The following STOX1 variants were observed in gnomAD, a reference collection of about 807,000 sequenced individuals.
STOX1 encodes storkhead box 1, also known as storkhead-box protein 1.
STOX1 carries 57 observed loss-of-function variants against 74.8 expected under a neutral mutation model. The observed-to-expected ratio is 0.76, with a 90% CI of 0.62 to 0.95. The LOEUF (loss-of-function observed/expected upper bound fraction) is 0.95, where lower values mean the gene tolerates loss of function less well. STOX1 is among the 40% of genes least tolerant of loss of function. The probability of loss-of-function intolerance (pLI) is 0.00; values close to 1 mark genes in which losing one functional copy is unlikely to be tolerated. For missense variants in STOX1, 1,010 were observed against 1,117.0 expected, an observed-to-expected ratio of 0.90 and a Z score of 1.37; for synonymous variants, 375 against 401.3, an observed-to-expected ratio of 0.93 and a Z score of 0.78.
chr10:68,832,012 C>G (rs570769877), intron 1 of STOX1, among the ~76,000 whole-genome samples: 1 of 151,752 alleles, frequency 6.6e-6, no homozygotes, highest in Admixed American at 6.6e-5. Context: ...GGATCCTCCC[C>G]CCTCGGCCTC....
At chr10:68,830,953 G>A (rs985511535) in intron 1 of STOX1, among the ~76,000 whole-genome samples, 1 of 152,158 alleles carries the variant, frequency 6.6e-6, no homozygotes, top group African/African-American at 2.4e-5. Context: ...CTACCTTAGA[G>A]TCCTGGAGGG....
intron 2 of STOX1, among the ~76,000 whole-genome samples, chr10:68,883,219 C>T (rs1172285011): frequency 6.7e-5 from 3 of 44,854 alleles, no homozygotes; most frequent in Admixed American, 5.2e-4. Context: ...CTACTAAAAA[C>T]TACAAAAAAA....
At chr10:68,894,294 C>T (rs763448705), downstream of STOX1, among the ~76,000 whole-genome samples, 31 of 152,154 alleles carry the variant, frequency 2.0e-4, no homozygotes, top group Middle Eastern at 3.4e-3. Context: ...CTCCTGACCT[C>T]GTGATTCGCC....
chr10:68,892,613 T>C lies in STOX1; in HGVS notation c.2847T>C (p.Asn949=), dbSNP rs151237677. 7.2e-5 allele frequency: 116 copies of C among 1,613,722 alleles called. No homozygotes were observed. The African/African-American group carries it at 1.2e-3, about 17-fold the overall frequency. ...SPRTQSLGSN[N]SVILDGLKRR... is the part of the protein sequence containing the mutation. ...GGACACAGAGTCTGGGATCTAATAA[T>C]TCAGTCATTTTGGATGGACTAAAAA... The change falls in exon 4 of 4, where the codon AAT becomes AAC. Residue 949 remains asparagine (N), a synonymous_variant. Transcript: ENST00000298596.
intron 1 of STOX1, among the ~76,000 whole-genome samples, chr10:68,866,307 G>A (rs1840403178): frequency 6.6e-6 from 1 of 152,184 alleles, no homozygotes; most frequent in Non-Finnish European, 1.5e-5. Context: ...AACTGGCCAT[G>A]TGGATGGCCA....
chr10:68,884,315 A>G lies in STOX1; in HGVS notation c.519A>G (p.Lys173=), dbSNP rs754635462. Residue 173 remains lysine (K), a synonymous_variant, in exon 3 of 4, where the codon AAA becomes AAG. Transcript: ENST00000298596. ...ATACCACTCTGGGAACGCTGATTAAAGAAAGGAAGATTTATCACACTGGAG... is the reference window on the plus strand; with the variant it reads ...ATACCACTCTGGGAACGCTGATTAAGGAAAGGAAGATTTATCACACTGGAG... ...ILYTTLGTLI[K]ERKIYHTGEG... 3.7e-6 allele frequency: 6 copies of G among 1,614,078 alleles called. No individual in the cohort carries two copies. Among genetic ancestry groups the G allele is most frequent in the Middle Eastern group, 3.3e-4 (2 of 6,084 alleles).
intron 1 of STOX1, among the ~76,000 whole-genome samples, chr10:68,869,099 T>G (rs1840475879): frequency 1.3e-5 from 2 of 152,232 alleles, no homozygotes; most frequent in Admixed American, 1.3e-4. Flanking sequence ...TTCCTCGTGA[T>G]GGTCCTGGCC....
rs1342646914 is a variant in STOX1 at position 68,885,847 on chromosome 10, C to G, written c.2051C>G (p.Ala684Gly). The G allele has an allele frequency of 6.2e-7, 1 of 1,613,942 alleles. No homozygotes were observed. The highest frequency in any genetic ancestry group is 1.3e-5 in the African/African-American group (1 of 74,914). The change falls in exon 3 of 4, where the codon GCT becomes GGT. Residue 684 changes from alanine to glycine, a missense_variant. By Grantham distance (60) the Ala-to-Gly change is moderately conservative. Coordinates refer to ENST00000298596, the MANE Select transcript of STOX1 (RefSeq NM_152709.5). ...YPVGVNPLRQ[A>G]ARQDKDSEEL... The stretch of plus-strand genomic sequence containing the variant: ...GTTGGCGTGAACCCTTTAAGACAAG[C>G]TGCAAGACAAGACAAAGACTCAGAA...
intron 2 of STOX1, among the ~76,000 whole-genome samples, chr10:68,882,788 T>C (rs1840842675): frequency 6.6e-6 from 1 of 152,188 alleles, no homozygotes; most frequent in Non-Finnish European, 1.5e-5. Flanking sequence ...AGGGCCACCA[T>C]GCCCGGCATA....
intron 1 of STOX1, among the ~76,000 whole-genome samples, chr10:68,864,976 A>G (rs1343190734): frequency 6.6e-6 from 1 of 152,206 alleles, no homozygotes; most frequent in Non-Finnish European, 1.5e-5. Context: ...GTCATTTACT[A>G]AGGTCCTCAA....
intron 3 of STOX1, among the ~76,000 whole-genome samples, chr10:68,891,851 ACT>A (rs1251926627): frequency 2.0e-5 from 3 of 150,700 alleles, no homozygotes; most frequent in Admixed American, 6.6e-5. Flanking sequence ...ACAGAGTCTC[ACT>A]CTGTTGCTGA....
At chr10:68,893,065 C>G (rs1320614228), downstream of STOX1, 4 of 240,746 alleles carry the variant, frequency 1.7e-5, no homozygotes, top group Non-Finnish European at 2.4e-5. Flanking sequence ...AATTTACTTC[C>G]TGTAGTGAAT....
At chr10:68,869,405 G>T (rs909973979) in intron 1 of STOX1, among the ~76,000 whole-genome samples, 1 of 152,210 alleles carries the variant, frequency 6.6e-6, no homozygotes, top group Non-Finnish European at 1.5e-5. Flanking sequence ...GTAGCCATTC[G>T]TTAAATGTTT....
At chr10:68,864,107 G>T (rs535843563) in intron 1 of STOX1, among the ~76,000 whole-genome samples, 20 of 152,056 alleles carry the variant, frequency 1.3e-4, no homozygotes, top group African/African-American at 4.8e-4. Context: ...TGTATTTTTA[G>T]TAGAGGCGGG....
intron 1 of STOX1, among the ~76,000 whole-genome samples, chr10:68,859,352 C>T (rs1359049642): frequency 1.3e-5 from 2 of 152,090 alleles, no homozygotes; most frequent in Non-Finnish European, 2.9e-5. Flanking sequence ...TAAGGAAATA[C>T]TTCCTCATCC....
At chr10:68,867,611 CTTTAAGTG>C (rs901934880) in intron 1 of STOX1, among the ~76,000 whole-genome samples, 4 of 152,204 alleles carry the variant, frequency 2.6e-5, no homozygotes, top group African/African-American at 9.7e-5. Context: ...TCTTGGGTCT[CTTTAAGTG>C]GTTGACAGAT....
At position 68,884,886 on chromosome 10, in the gene STOX1, C is replaced by T. The variant is rs866349614; in HGVS notation, c.1090C>T (p.Arg364Ter). 2.8e-5 allele frequency: 45 copies of T among 1,613,716 alleles called. No individual in the cohort carries two copies. The African/African-American group carries it at 5.3e-4, about 19-fold the overall frequency. ...AGATGTTGAACATGAGATAATCAAACGAATTAACCCCATTTTGACTGTTGA... is the reference window on the plus strand; with the variant it reads ...AGATGTTGAACATGAGATAATCAAATGAATTAACCCCATTTTGACTGTTGA... The part of the protein sequence containing the change: ...PRDVEHEIIK[R>*]INPILTVDNL... Residue 364 changes from arginine (R) to a stop codon, truncating the protein, a stop_gained, in exon 3 of 4, where the codon CGA (arginine) becomes TGA (stop). Transcript: ENST00000298596. LOFTEE classifies it high-confidence loss of function.
intron 3 of STOX1, among the ~76,000 whole-genome samples, chr10:68,890,189 A>G (rs372040089): frequency 6.6e-6 from 1 of 151,548 alleles, no homozygotes; most frequent in African/African-American, 2.4e-5. Context: ...TTTAAGAGAC[A>G]AGGTCTCACA....
At position 68,886,180 on chromosome 10, in the gene STOX1, A is replaced by T. The variant is rs1840949284; in HGVS notation, c.2384A>T (p.Lys795Ile). ...GAGAGGGTTGAGTCTCAGGTGCTTA[A>T]AAGAAATGAATGCTACAAACCCACT... is the stretch of plus-strand genomic sequence containing the variant. Reference protein sequence around the residue: ...TMERVESQVLKRNECYKPTGL... With the variant: ...TMERVESQVLIRNECYKPTGL... The change falls in exon 3 of 4, where the codon AAA becomes ATA. Residue 795 changes from lysine (K) to isoleucine (I), a missense_variant. Physicochemically the swap from Lys to Ile is moderately radical, Grantham distance 102 (BLOSUM62 -3). Coordinates refer to ENST00000298596, the MANE Select transcript of STOX1 (RefSeq NM_152709.5). 2 of 1,613,996 alleles carry T rather than the reference A, an allele frequency of 1.2e-6. No individual in the cohort carries two copies. Among genetic ancestry groups the T allele is most frequent in the Non-Finnish European group, 1.7e-6 (2 of 1,180,032 alleles).
Sources: gnomAD v4.1 joint callset for allele counts (sites outside exome capture counted in the v4.1 genomes callset) on GRCh38, gnomAD v4.1.1 for gene constraint, MANE v1.5 for transcripts, NCBI Gene and HGNC (gene_info 2026-07-23, HGNC 2026-07-21) for gene names.